The following ESRRG variants were observed in gnomAD, a reference collection of about 807,000 sequenced individuals.
ESRRG encodes the protein estrogen related receptor gamma.
Under a neutral mutation model 44.0 loss-of-function variants are expected in ESRRG, and 13 were observed. The observed-to-expected ratio is 0.30, with a 90% CI of 0.19 to 0.47. The LOEUF is 0.47. ESRRG is among the 20% of genes least tolerant of loss of function. ESRRG has a pLI of 1.00. For synonymous variants in ESRRG, 215 were observed against 214.6 expected (o/e 1.00, Z -0.02); for missense variants, 395 against 580.6 (o/e 0.68, Z 3.29).
chr1:216,963,001 A>T (rs1403962001), intron 1 of ESRRG, among the ~76,000 whole-genome samples: 1 of 152,224 alleles, frequency 6.6e-6, no homozygotes, highest in Non-Finnish European at 1.5e-5. Flanking sequence ...CTTACAAGCC[A>T]TATGACCCTG....
chr1:216,533,261 A>G (rs2049932486), intron 5 of ESRRG, among the ~76,000 whole-genome samples: 1 of 151,788 alleles, frequency 6.6e-6, no homozygotes, highest in African/African-American at 2.4e-5. Flanking sequence ...GGGTGTGAAG[A>G]TGAGATGAAA....
intron 2 of ESRRG, among the ~76,000 whole-genome samples, chr1:216,932,719 GTTTT>G (rs397860904): frequency 4.3e-5 from 3 of 70,300 alleles, no homozygotes; most frequent in Admixed American, 1.9e-4. Flanking sequence ...CACCAAACTT[GTTTT>G]TTTTTTTTTT....
chr1:216,734,734 T>G (rs1210905554), intron 2 of ESRRG, among the ~76,000 whole-genome samples: 1 of 152,168 alleles, frequency 6.6e-6, no homozygotes, highest in African/African-American at 2.4e-5. Flanking sequence ...TTTTTAAAAA[T>G]GAGTTTCAAT....
intron 2 of ESRRG, among the ~76,000 whole-genome samples, chr1:216,897,549 C>A (rs1353427669): frequency 6.6e-6 from 1 of 152,060 alleles, no homozygotes; most frequent in Non-Finnish European, 1.5e-5. Flanking sequence ...ATAGGCTTTC[C>A]CTGCAAAGTA....
intron 5 of ESRRG, among the ~76,000 whole-genome samples, chr1:216,536,127 T>C (rs1451084205): frequency 6.6e-6 from 1 of 152,160 alleles, no homozygotes; most frequent in African/African-American, 2.4e-5. Flanking sequence ...CCAATCCTTT[T>C]AATGTAATAC....
intron 1 of ESRRG, chr1:217,000,711 T>A (rs1188051664): frequency 1.3e-5 from 2 of 152,204 alleles, no homozygotes. Flanking sequence ...AAGGACCGTG[T>A]AGCAACATCG....
intron 1 of ESRRG, among the ~76,000 whole-genome samples, chr1:217,017,020 G>C (rs1222682681): frequency 6.6e-6 from 1 of 152,116 alleles, no homozygotes; most frequent in Non-Finnish European, 1.5e-5. Flanking sequence ...AAGTGATGTA[G>C]GGCTTTACTT....
intron 2 of ESRRG, among the ~76,000 whole-genome samples, chr1:216,788,664 A>C (rs977781034): frequency 1.6e-4 from 25 of 152,168 alleles, no homozygotes; most frequent in African/African-American, 5.8e-4. Flanking sequence ...TTTAAGAAAT[A>C]CATTTTGTAG....
At chr1:216,744,727 G>A (rs1576048606) in intron 2 of ESRRG, among the ~76,000 whole-genome samples, 1 of 152,146 alleles carries the variant, frequency 6.6e-6, no homozygotes, top group Non-Finnish European at 1.5e-5. Flanking sequence ...GGCTACAAAT[G>A]TGTCCCATCT....
At chr1:217,129,031 T>C (rs750299866) in intron 1 of ESRRG, among the ~76,000 whole-genome samples, 1 of 151,998 alleles carries the variant, frequency 6.6e-6, no homozygotes, top group Non-Finnish European at 1.5e-5. Context: ...CAGAGCACTA[T>C]CAACAAAGTG....
intron 2 of ESRRG, among the ~76,000 whole-genome samples, chr1:216,790,265 C>A (rs920491928): frequency 2.0e-5 from 3 of 152,012 alleles, no homozygotes; most frequent in African/African-American, 4.8e-5. Flanking sequence ...AACTTATTAC[C>A]CCCAGGTTAT....
intron 5 of ESRRG, among the ~76,000 whole-genome samples, chr1:216,561,291 C>A (rs777714758): frequency 6.6e-6 from 1 of 151,926 alleles, no homozygotes; most frequent in Non-Finnish European, 1.5e-5. Flanking sequence ...CATATATGTA[C>A]GTGTATGGGT....
At chr1:217,009,702 C>CTTTTTTTTTTTTT (rs11325118) in intron 1 of ESRRG, among the ~76,000 whole-genome samples, 225 of 106,258 alleles carry the variant, frequency 2.1e-3, no homozygotes, top group Non-Finnish European at 2.5e-3. Flanking sequence ...TTTTCTTTTT[C>CTTTTTTTTTTTTT]TTTTTTTTTT....
intron 1 of ESRRG, among the ~76,000 whole-genome samples, chr1:217,052,647 T>A (rs2086265060): frequency 6.6e-6 from 1 of 152,194 alleles, no homozygotes; most frequent in Non-Finnish European, 1.5e-5. Context: ...TGACTGAACA[T>A]TGCTAGACTT....
chr1:217,042,473 AACAC>A (rs140559927), intron 1 of ESRRG, among the ~76,000 whole-genome samples: 13,688 of 138,844 alleles, frequency 0.099, 656 homozygotes, highest in Non-Finnish European at 0.097. Flanking sequence ...TACACACACA[AACAC>A]ACACACACAC....
intron 1 of ESRRG, among the ~76,000 whole-genome samples, chr1:216,950,136 G>A (rs1482952106): frequency 1.3e-5 from 2 of 152,152 alleles, no homozygotes; most frequent in Non-Finnish European, 2.9e-5. Flanking sequence ...AGTTACTTCA[G>A]CAAAATGAGG....
intron 2 of ESRRG, among the ~76,000 whole-genome samples, chr1:216,766,660 G>A (rs1436473486): frequency 4.6e-5 from 7 of 151,984 alleles, no homozygotes. Context: ...TGATGTGATG[G>A]CAACAAATGC....
chr1:217,040,954 A>ATTTGCAGT (rs1345575989), intron 1 of ESRRG, among the ~76,000 whole-genome samples: 1 of 152,112 alleles, frequency 6.6e-6, no homozygotes, highest in African/African-American at 2.4e-5. Flanking sequence ...TCTGAGTTTG[A>ATTTGCAGT]TTTGCAGTTT....
chr1:216,941,093 T>C (rs2065152313), intron 1 of ESRRG, among the ~76,000 whole-genome samples: 1 of 152,026 alleles, frequency 6.6e-6, no homozygotes, highest in African/African-American at 2.4e-5. Context: ...AGACAGGAGG[T>C]AAGATGACTC....
Sources: gnomAD v4.1 joint callset for allele counts (sites outside exome capture counted in the v4.1 genomes callset) on GRCh38, gnomAD v4.1.1 for gene constraint, MANE v1.5 for transcripts, NCBI Gene and HGNC (gene_info 2026-07-23, HGNC 2026-07-21) for gene names.